The following PPP4R3A variants were observed in gnomAD, a reference collection of about 807,000 sequenced individuals.
PPP4R3A encodes protein phosphatase 4 regulatory subunit 3A, also known as serine/threonine-protein phosphatase 4 regulatory subunit 3A.
A neutral mutation model predicts 91.7 loss-of-function variants in PPP4R3A; 15 were observed. The ratio of observed to expected loss-of-function variants is 0.16; its 90% CI spans 0.11 to 0.25. The LOEUF is 0.25. Among genes scored for constraint, PPP4R3A ranks in the 10% least tolerant of loss-of-function variants. PPP4R3A has a pLI of 1.00. For synonymous variants in PPP4R3A, 377 were observed against 348.7 expected (o/e 1.08, Z -0.91); for missense variants, 623 against 998.4 (o/e 0.62, Z 5.07).
intron 3 of PPP4R3A, among the ~76,000 whole-genome samples, chr14:91,482,933 G>A (rs1053910434): frequency 2.6e-5 from 4 of 152,048 alleles, no homozygotes; most frequent in Non-Finnish European, 5.9e-5. Flanking sequence ...TCCCAAAAAA[G>A]GTCTGCTGAA....
At chr14:91,461,117 T>C (rs546821004) in intron 14 of PPP4R3A, among the ~76,000 whole-genome samples, 1 of 152,320 alleles carries the variant, frequency 6.6e-6, no homozygotes, top group South Asian at 2.1e-4. Flanking sequence ...TGTTTTGACA[T>C]ACAAATTTGA....
chr14:91,509,223 G>C (rs1317611924), intron 1 of PPP4R3A, among the ~76,000 whole-genome samples: 1 of 152,114 alleles, frequency 6.6e-6, no homozygotes, highest in Non-Finnish European at 1.5e-5. Context: ...CCCTATCTCA[G>C]GTCCTCGACC....
intron 4 of PPP4R3A, among the ~76,000 whole-genome samples, chr14:91,481,165 CTACAAAAAA>C (rs893030201): frequency 2.0e-5 from 3 of 152,180 alleles, no homozygotes; most frequent in Non-Finnish European, 4.4e-5. Context: ...AACTCCATCT[CTACAAAAAA>C]TACAAAAATT....
At chr14:91,477,085 G>T (rs1197647165) in intron 4 of PPP4R3A, 99 bp from the exon 5 acceptor site, 5 of 822,062 alleles carry the variant, frequency 6.1e-6, no homozygotes, top group African/African-American at 3.7e-5. Flanking sequence ...ACTATAAAAA[G>T]GAAAGGTGGT....
chr14:91,473,508 A>G lies in PPP4R3A; in HGVS notation c.1267-138T>C, dbSNP rs552870816. 97 of 880,312 alleles carry G rather than the reference A, an allele frequency of 1.1e-4. No homozygotes were observed. The African/African-American group carries it at 1.4e-3, about 12-fold the overall frequency. The allele number at this position is 880,312 out of a possible 1,614,324, so 54.5% of individuals were successfully genotyped here. A position where few individuals can be genotyped will look rare whatever the true frequency, so the allele number is the denominator to read the frequency against. On this transcript the variant is annotated intron_variant, in intron 7 of 14. Transcript: ENST00000554943. Reference sequence around the variant, plus strand: ...GCAAAGTGAAATGTTTAACTCAGTTATCTGACAGGACATATGACAGTGTTT... The same window carrying G: ...GCAAAGTGAAATGTTTAACTCAGTTGTCTGACAGGACATATGACAGTGTTT...
chr14:91,483,778 G>T (rs768652747), intron 3 of PPP4R3A, among the ~76,000 whole-genome samples: 1 of 152,120 alleles, frequency 6.6e-6, no homozygotes, highest in Non-Finnish European at 1.5e-5. Context: ...TATAAAAGTT[G>T]AAAGGGAGTA....
chr14:91,505,834 A>C (rs1891259546), intron 1 of PPP4R3A, among the ~76,000 whole-genome samples: 1 of 152,258 alleles, frequency 6.6e-6, no homozygotes, highest in Non-Finnish European at 1.5e-5. Context: ...AACAAAAAGA[A>C]AATATCAATT....
chr14:91,480,708 C>T (rs1338069044), intron 4 of PPP4R3A, among the ~76,000 whole-genome samples: 2 of 152,088 alleles, frequency 1.3e-5, no homozygotes, highest in Non-Finnish European at 2.9e-5. Flanking sequence ...AGAGTAATAA[C>T]CCCAAAGTTC....
chr14:91,497,351 C>T lies in PPP4R3A; in HGVS notation c.143-6549G>A, dbSNP rs930589322. On this transcript the variant is annotated intron_variant, in intron 1 of 14. Coordinates refer to ENST00000554943, the MANE Select transcript of PPP4R3A (RefSeq NM_001366432.2). ...GAGGAATCTTTTATTTACACACACACACACACACACACACACACACACACA... is the reference window on the plus strand; with the variant it reads ...GAGGAATCTTTTATTTACACACACATACACACACACACACACACACACACA... Among the ~76,000 whole-genome samples the T allele has an allele frequency of 1.1e-3, 45 of 40,672 alleles. 1 individual carries two copies. The highest frequency in any genetic ancestry group is 0.011 in the Admixed American group (39 of 3,612). 26.7% of individuals were successfully genotyped at this position (40,672 alleles called of 152,430 possible).
intron 10 of PPP4R3A, among the ~76,000 whole-genome samples, chr14:91,465,825 C>T (rs1888442770): frequency 6.6e-6 from 1 of 152,158 alleles, no homozygotes; most frequent in Non-Finnish European, 1.5e-5. Flanking sequence ...GGGCAATCCA[C>T]TGTATAATTT....
Position 91,487,022 on chromosome 14 carries a change from G to A in PPP4R3A, c.199-1292C>T, listed in dbSNP as rs146203868. 6.8e-3 allele frequency among the ~76,000 whole-genome samples: 1,027 copies of A among 151,860 alleles called. 8 individuals carry two copies. The highest frequency in any genetic ancestry group is 0.017 in the Middle Eastern group (5 of 292). ...AGCACTTTGGGAGGCCAAGGCAGGC[G>A]GATCACCTGAGGTCAGGAGTTCAAG... is the stretch of plus-strand genomic sequence containing the variant. On this transcript the variant is annotated intron_variant, in intron 2 of 14. Coordinates refer to ENST00000554943, the MANE Select transcript of PPP4R3A (RefSeq NM_001366432.2).
At chr14:91,460,726 T>C (rs1888091442) in intron 14 of PPP4R3A, among the ~76,000 whole-genome samples, 1 of 144,180 alleles carries the variant, frequency 6.9e-6, no homozygotes, top group Non-Finnish European at 1.5e-5. Flanking sequence ...GTTCATGCCA[T>C]TCTCCTGCCT....
chr14:91,507,480 G>GTATATATACTATAA (rs1566660622), intron 1 of PPP4R3A, among the ~76,000 whole-genome samples: 1 of 99,152 alleles, frequency 1.0e-5, no homozygotes, highest in Admixed American at 1.2e-4. Context: ...ATATACTATA[G>GTATATATACTATAA]TTATATATAC....
At chr14:91,485,513 A>G in intron 3 of PPP4R3A, 119 bp downstream of exon 3, 1 of 697,578 alleles carries the variant, frequency 1.4e-6, no homozygotes, top group Non-Finnish European at 2.4e-6. Flanking sequence ...GTTCAAAGAC[A>G]GCAGTGAATT....
At chr14:91,491,845 T>C (rs1050309588) in intron 1 of PPP4R3A, among the ~76,000 whole-genome samples, 1 of 152,194 alleles carries the variant, frequency 6.6e-6, no homozygotes, top group Non-Finnish European at 1.5e-5. Context: ...TTCTGGGTAG[T>C]TGGGACAGGT....
chr14:91,506,112 C>T (rs1891276920), intron 1 of PPP4R3A, among the ~76,000 whole-genome samples: 2 of 151,972 alleles, frequency 1.3e-5, no homozygotes, highest in East Asian at 1.9e-4. Flanking sequence ...CACCTGGCTA[C>T]ATTTTTGTAT....
intron 1 of PPP4R3A, among the ~76,000 whole-genome samples, chr14:91,495,301 A>AGTGTGTGTGTGTGTGTGTGTGTGT (rs1163043476): frequency 2.8e-4 from 7 of 24,948 alleles, no homozygotes; most frequent in African/African-American, 7.6e-4. Context: ...CCAGATACAT[A>AGTGTGTGTGTGTGTGTGTGTGTGT]ATGTGTGTGT....
In PPP4R3A at chr14:91,481,591, A is replaced by T; in HGVS notation, c.900T>A (p.Ile300=). ...HSFIFFNKVE[I]VGMLQEDEKF... ...TCTAACTCACCTGCAACATGCCAAC[A>T]ATCTCTACCTTATTGAAAAAGATAA... is the stretch of plus-strand genomic sequence containing the variant. The change falls in exon 4 of 15, where the codon ATT becomes ATA. Residue 300 remains isoleucine (I), a synonymous_variant. Coordinates refer to ENST00000554943, the MANE Select transcript of PPP4R3A (RefSeq NM_001366432.2). 1 of 1,561,496 alleles carries T rather than the reference A, an allele frequency of 6.4e-7. No individual in the cohort carries two copies. Among genetic ancestry groups the T allele is most frequent in the Non-Finnish European group, 8.6e-7 (1 of 1,158,546 alleles).
intron 10 of PPP4R3A, among the ~76,000 whole-genome samples, chr14:91,469,341 T>G (rs181740988): frequency 2.6e-5 from 4 of 152,248 alleles, no homozygotes; most frequent in Non-Finnish European, 5.9e-5. Context: ...ATTCATTTAT[T>G]CAGTTTTTCC....
Sources: allele counts gnomAD v4.1 joint callset (sites outside exome capture counted in the v4.1 genomes callset), GRCh38; gene constraint gnomAD v4.1.1; transcripts MANE v1.5; gene names NCBI Gene and HGNC (gene_info 2026-07-23, HGNC 2026-07-21).